RGS6: variants seen among roughly 807,000 people sequenced by gnomAD.
RGS6 encodes regulator of G-protein signaling 6.
In RGS6, 30 loss-of-function variants were observed where a neutral mutation model predicts 78.5. That is an observed-to-expected ratio of 0.38 (90% CI 0.29 to 0.52). The LOEUF is 0.52. Among genes scored for constraint, RGS6 ranks in the 20% least tolerant of loss-of-function variants. The probability of loss-of-function intolerance (pLI) is 0.85; values close to 1 mark genes in which losing one functional copy is unlikely to be tolerated. For missense variants in RGS6, 495 were observed against 609.7 expected (o/e 0.81, Z 1.98); for synonymous variants, 206 against 206.0 (o/e 1.00, Z 0.00).
rs547255276 is a variant in RGS6, at chr14:72,484,024, C to A, written c.854+5695C>A. Among the ~76,000 whole-genome samples the A allele has an allele frequency of 4.1e-4, 62 of 151,718 alleles. 1 individual carries two copies. Among genetic ancestry groups the A allele is most frequent in the African/African-American group, 1.2e-3 (50 of 41,452 alleles). ...TGCTAGGAATCAAACTTTCTTCTTTCCTCTCCGCAGTGCTGCTCTGCTTCT... is the reference window on the plus strand; with the variant it reads ...TGCTAGGAATCAAACTTTCTTCTTTACTCTCCGCAGTGCTGCTCTGCTTCT... On this transcript the variant is annotated intron_variant, in intron 12 of 17. Transcript: ENST00000553525.
intron 2 of RGS6, among the ~76,000 whole-genome samples, chr14:71,975,383 T>C (rs1337796075): frequency 6.6e-6 from 1 of 152,208 alleles, no homozygotes; most frequent in Non-Finnish European, 1.5e-5. Context: ...TTTAGCAGTT[T>C]TATTATAAGG....
the RGS6 span, among the ~76,000 whole-genome samples, chr14:72,572,604 T>C: frequency 7.2e-3 from 1,098 of 152,262 alleles, 15 homozygotes; most frequent in African/African-American, 0.025. Flanking sequence ...GGCAAATTGA[T>C]AGAGACAGAA....
intron 2 of RGS6, among the ~76,000 whole-genome samples, chr14:72,061,605 A>G (rs979201510): frequency 9.9e-5 from 15 of 152,138 alleles, no homozygotes; most frequent in Admixed American, 9.2e-4. Context: ...TCAGATCACA[A>G]TTGATCAAAA....
intron 16 of RGS6, 95 bp downstream of exon 16, chr14:72,536,370 T>C (rs1164092848): frequency 2.2e-6 from 2 of 913,046 alleles, no homozygotes; most frequent in Admixed American, 3.5e-5. Flanking sequence ...CCTTGGGTTT[T>C]ATTTATTTCC....
At chr14:72,244,198 C>T (rs2053626233) in intron 2 of RGS6, among the ~76,000 whole-genome samples, 1 of 151,266 alleles carries the variant, frequency 6.6e-6, no homozygotes, top group East Asian at 1.9e-4. Flanking sequence ...GGAAAGTTAT[C>T]AGTCAGACCT....
At chr14:72,415,552 C>A (rs1380823887) in intron 3 of RGS6, among the ~76,000 whole-genome samples, 1 of 152,216 alleles carries the variant, frequency 6.6e-6, no homozygotes, top group African/African-American at 2.4e-5. Context: ...TGTCCTGCAC[C>A]CACTGTCCAG....
At chr14:72,368,562 A>G (rs1288903873) in intron 3 of RGS6, among the ~76,000 whole-genome samples, 2 of 152,200 alleles carry the variant, frequency 1.3e-5, no homozygotes, top group African/African-American at 4.8e-5. Context: ...CCATCTTTGG[A>G]CAACTTTGAC....
At chr14:72,082,648 GTTA>G (rs1478583478) in intron 2 of RGS6, among the ~76,000 whole-genome samples, 2 of 151,868 alleles carry the variant, frequency 1.3e-5, no homozygotes, top group Admixed American at 6.6e-5. Flanking sequence ...TATATAGTTA[GTTA>G]TTATATGTCA....
At chr14:72,062,733 C>A (rs1260279942) in intron 2 of RGS6, among the ~76,000 whole-genome samples, 1 of 152,144 alleles carries the variant, frequency 6.6e-6, no homozygotes, top group African/African-American at 2.4e-5. Context: ...CATATGTGAG[C>A]CTGGACTTCA....
At chr14:72,508,441 G>A (rs1278162252) in intron 13 of RGS6, among the ~76,000 whole-genome samples, 1 of 152,088 alleles carries the variant, frequency 6.6e-6, no homozygotes, top group Non-Finnish European at 1.5e-5. Flanking sequence ...GCCACATGGG[G>A]CTAGTGGCTG....
intron 2 of RGS6, among the ~76,000 whole-genome samples, chr14:72,043,030 T>C (rs1047673899): frequency 2.6e-5 from 4 of 152,214 alleles, no homozygotes; most frequent in Admixed American, 2.6e-4. Flanking sequence ...TGTATTTCTT[T>C]GAACATTAAT....
chr14:72,056,428 C>G (rs182433680), intron 2 of RGS6, among the ~76,000 whole-genome samples: 1 of 152,330 alleles, frequency 6.6e-6, no homozygotes, highest in East Asian at 1.9e-4. Context: ...CTACCCAAAT[C>G]CACCTCGTAC....
intron 2 of RGS6, among the ~76,000 whole-genome samples, chr14:72,310,079 C>T (rs539503340): frequency 6.6e-6 from 1 of 152,210 alleles, no homozygotes; most frequent in Non-Finnish European, 1.5e-5. Flanking sequence ...CAGCTCTTCT[C>T]GGCATGTTGG....
At chr14:72,195,396 A>G (rs2039838319) in intron 2 of RGS6, among the ~76,000 whole-genome samples, 1 of 152,192 alleles carries the variant, frequency 6.6e-6, no homozygotes, top group Admixed American at 6.5e-5. Flanking sequence ...CTATGTATAT[A>G]CATTTCAAAG....
intron 2 of RGS6, among the ~76,000 whole-genome samples, chr14:72,212,427 G>C (rs1444143136): frequency 6.6e-6 from 1 of 152,208 alleles, no homozygotes; most frequent in Non-Finnish European, 1.5e-5. Flanking sequence ...GAGGCAGATA[G>C]TGTTATGATT....
intron 2 of RGS6, among the ~76,000 whole-genome samples, chr14:72,104,244 T>C (rs1051119006): frequency 2.6e-5 from 4 of 152,220 alleles, no homozygotes; most frequent in East Asian, 1.9e-4. Flanking sequence ...CTGTCCCACG[T>C]TGTCTTGCTT....
At chr14:72,009,397 T>C (rs1201769752) in intron 2 of RGS6, among the ~76,000 whole-genome samples, 1 of 152,154 alleles carries the variant, frequency 6.6e-6, no homozygotes, top group East Asian at 1.9e-4. Context: ...AAGTCTGTGA[T>C]AAGCTTCCCT....
intron 3 of RGS6, among the ~76,000 whole-genome samples, chr14:72,436,857 C>A (rs1035559226): frequency 3.3e-5 from 5 of 152,162 alleles, no homozygotes; most frequent in African/African-American, 1.2e-4. Context: ...GTGTATTCAT[C>A]AGATGTTTAT....
At position 72,259,468 on chromosome 14, in the gene RGS6, G is replaced by A. The variant is rs113341212; in HGVS notation, c.85-92627G>A. Among the ~76,000 whole-genome samples, 993 of 152,136 alleles carry A rather than the reference G, an allele frequency of 6.5e-3. 6 individuals carry two copies. Among genetic ancestry groups the A allele is most frequent in the Non-Finnish European group, 0.011 (775 of 68,018 alleles). On this transcript the variant is annotated intron_variant, in intron 2 of 17. Transcript: ENST00000553525. The stretch of plus-strand genomic sequence containing the variant: ...ATCCTTGTAGTAGGCTCAGCAGTAC[G>A]CTTCATAAGGCTGAGAATCCCTGAG...
Sources: allele counts gnomAD v4.1 joint callset (sites outside exome capture counted in the v4.1 genomes callset), GRCh38; gene constraint gnomAD v4.1.1; transcripts MANE v1.5; gene names NCBI Gene and HGNC (gene_info 2026-07-23, HGNC 2026-07-21).